The following CCDC141 variants were observed in gnomAD, a reference collection of about 807,000 sequenced individuals.
The protein encoded by CCDC141 is coiled-coil domain containing 141.
Under a neutral mutation model 181.0 loss-of-function variants are expected in CCDC141, and 168 were observed. The ratio of observed to expected loss-of-function variants is 0.93; its 90% CI spans 0.82 to 1.05. The LOEUF (loss-of-function observed/expected upper bound fraction) is 1.05, where lower values mean the gene tolerates loss of function less well. Ranked by LOEUF, CCDC141 falls within the 50% of genes least tolerant of loss-of-function variation. The probability of loss-of-function intolerance (pLI) is 0.00; values close to 1 mark genes in which losing one functional copy is unlikely to be tolerated. For missense variants in CCDC141, 1,902 were observed against 1,788.5 expected (o/e 1.06, Z -1.14); for synonymous variants, 666 against 642.3 (o/e 1.04, Z -0.56).
At position 178,886,752 on chromosome 2, in the gene CCDC141, C is replaced by T. The variant is rs1259970276; in HGVS notation, c.1527G>A (p.Lys509=). Residue 509 remains lysine, a splice_region_variant and synonymous_variant, in exon 10 of 24, where the codon AAG becomes AAA. Coordinates refer to ENST00000443758, the MANE Select transcript of CCDC141 (RefSeq NM_173648.4). ...TAATAATCATTCTCATTTTATTTAC[C>T]TTAGCTTGGATATCTAGTTCCAGAT... The part of the protein sequence containing the change: ...NKYLELDIQA[K]ETSHELEAAA... The T allele has an allele frequency of 2.1e-6, 3 of 1,428,556 alleles. No homozygotes were observed. The highest frequency in any genetic ancestry group is 3.0e-5 in the African/African-American group (2 of 67,574). The allele number at this position is 1,428,556 out of a possible 1,614,324, so 88.5% of individuals were successfully genotyped here.
At chr2:178,939,789 T>A (rs1689435514) in intron 6 of CCDC141, among the ~76,000 whole-genome samples, 1 of 152,064 alleles carries the variant, frequency 6.6e-6, no homozygotes, top group South Asian at 2.1e-4. Context: ...CAAATGGGAA[T>A]GGTTGAATCC....
chr2:179,011,205 ACCAACTATCTG>A (rs2042261273), intron 2 of CCDC141, among the ~76,000 whole-genome samples: 1 of 152,162 alleles, frequency 6.6e-6, no homozygotes, highest in Non-Finnish European at 1.5e-5. Context: ...GAACTCATCA[ACCAACTATCTG>A]CTGCCTTCAG....
rs139377826 is a variant in CCDC141 at position 178,850,060 on chromosome 2, C to T, written c.3346G>A (p.Glu1116Lys). Residue 1116 changes from glutamate (E) to lysine (K), a missense_variant, in exon 21 of 24, where the codon GAA (glutamate) becomes AAA (lysine). Coordinates refer to ENST00000443758, the MANE Select transcript of CCDC141 (RefSeq NM_173648.4). ...GAAGAAGAAATTACCTTCAGTTTTTCTTCGAGCTCTGTGAGGGACTCACAT... is the reference window on the plus strand; with the variant it reads ...GAAGAAGAAATTACCTTCAGTTTTTTTTCGAGCTCTGTGAGGGACTCACAT... ...ELCESLTELE[E>K]KLKQGDVLKM... 3 of 1,572,146 alleles carry T rather than the reference C, an allele frequency of 1.9e-6. No individual in the cohort carries two copies. In the African/African-American group the frequency reaches 4.1e-5, roughly 21 times the overall value.
At chr2:179,038,989 A>AC (rs1437948933) in intron 2 of CCDC141, among the ~76,000 whole-genome samples, 1 of 152,126 alleles carries the variant, frequency 6.6e-6, no homozygotes, top group African/African-American at 2.4e-5. Context: ...AACACTCTGC[A>AC]CCTCACCTGA....
intron 20 of CCDC141, 99 bp from the exon 21 acceptor site, chr2:178,850,260 A>G: frequency 1.5e-6 from 1 of 647,054 alleles, no homozygotes; most frequent in Non-Finnish European, 2.8e-6. Context: ...GTAAGGGCTG[A>G]TAAATTGTAA....
intron 8 of CCDC141, among the ~76,000 whole-genome samples, chr2:178,898,688 G>A (rs1019736482): frequency 1.3e-5 from 2 of 152,124 alleles, no homozygotes; most frequent in African/African-American, 4.8e-5. Context: ...TTCCATGATA[G>A]TAAAACAGTG....
At chr2:179,006,647 C>T (rs1057378329) in intron 2 of CCDC141, among the ~76,000 whole-genome samples, 4 of 152,130 alleles carry the variant, frequency 2.6e-5, no homozygotes. Flanking sequence ...TAACACATTT[C>T]GTACAAGGGT....
intron 2 of CCDC141, among the ~76,000 whole-genome samples, chr2:179,036,458 C>G (rs551556756): frequency 1.7e-4 from 26 of 152,286 alleles, no homozygotes; most frequent in Admixed American, 7.2e-4. Context: ...AGGCACTTTT[C>G]AAATGTAAAG....
At chr2:178,867,926 A>T in intron 16 of CCDC141, 100 bp downstream of exon 16, 1 of 939,762 alleles carries the variant, frequency 1.1e-6, no homozygotes, top group Non-Finnish European at 1.5e-6. Context: ...GTTTATTTTT[A>T]AATTTAACAT....
intron 2 of CCDC141, among the ~76,000 whole-genome samples, chr2:179,038,311 T>C (rs2154387646): frequency 6.6e-6 from 1 of 152,238 alleles, no homozygotes; most frequent in East Asian, 1.9e-4. Flanking sequence ...GTACCTAGAA[T>C]AGACAAATTC....
intron 6 of CCDC141, among the ~76,000 whole-genome samples, chr2:178,942,565 A>G (rs1689566219): frequency 6.6e-6 from 1 of 152,202 alleles, no homozygotes; most frequent in African/African-American, 2.4e-5. Flanking sequence ...GTATAATTCA[A>G]TGATGTTCAA....
In CCDC141 at chr2:178,830,716, G is replaced by A. The variant is rs958183943; in HGVS notation, c.*3457C>T. ...GGCGTGGCTGGGCAGTGCAGGTGCT[G>A]ACAGTGCACATGGCAGGACCATCTA... is the stretch of plus-strand genomic sequence containing the variant. On this transcript the variant is annotated 3_prime_UTR_variant, in exon 24 of 24. Coordinates refer to ENST00000443758, the MANE Select transcript of CCDC141 (RefSeq NM_173648.4). The A allele has an allele frequency of 6.6e-6, 1 of 152,316 alleles. No individual in the cohort carries two copies. The highest frequency in any genetic ancestry group is 1.5e-5 in the Non-Finnish European group (1 of 68,144). 9.4% of individuals were successfully genotyped at this position (152,316 alleles called of 1,614,324 possible).
At chr2:178,969,798 T>G (rs554631960) in intron 4 of CCDC141, among the ~76,000 whole-genome samples, 1 of 152,222 alleles carries the variant, frequency 6.6e-6, no homozygotes, top group African/African-American at 2.4e-5. Flanking sequence ...GAGAAAGAAA[T>G]AAACGGTATT....
chr2:178,965,455 T>C (rs1405519421), intron 4 of CCDC141, among the ~76,000 whole-genome samples: 1 of 152,148 alleles, frequency 6.6e-6, no homozygotes, highest in Non-Finnish European at 1.5e-5. Flanking sequence ...CGTTGGACAG[T>C]GGGTGAAGCC....
intron 2 of CCDC141, chr2:179,001,620 G>A (rs1559039881): frequency 6.6e-6 from 1 of 152,336 alleles, no homozygotes; most frequent in Admixed American, 6.5e-5. Flanking sequence ...CTGGAAATCA[G>A]AGAACCTTGG....
intron 17 of CCDC141, among the ~76,000 whole-genome samples, chr2:178,862,191 T>C (rs1443075771): frequency 6.6e-6 from 1 of 152,200 alleles, no homozygotes; most frequent in Non-Finnish European, 1.5e-5. Context: ...ATGGAACATA[T>C]ATACTAAGTC....
intron 8 of CCDC141, among the ~76,000 whole-genome samples, chr2:178,891,132 C>A (rs758308507): frequency 6.6e-6 from 1 of 152,166 alleles, no homozygotes. Context: ...ATTAGTTATA[C>A]ATGTTACCTT....
intron 5 of CCDC141, among the ~76,000 whole-genome samples, chr2:178,945,949 T>C (rs1689714814): frequency 6.6e-6 from 1 of 152,120 alleles, no homozygotes; most frequent in Middle Eastern, 3.4e-3. Flanking sequence ...GACTATGCGA[T>C]CAAAAGGTCT....
chr2:178,938,859 T>C (rs1465174912), intron 6 of CCDC141, among the ~76,000 whole-genome samples: 1 of 152,166 alleles, frequency 6.6e-6, no homozygotes, highest in Non-Finnish European at 1.5e-5. Context: ...TTTTTCTCCA[T>C]GTAGATGCAA....
Sources: gnomAD v4.1 joint callset for allele counts (sites outside exome capture counted in the v4.1 genomes callset) on GRCh38, gnomAD v4.1.1 for gene constraint, MANE v1.5 for transcripts, NCBI Gene and HGNC (gene_info 2026-07-23, HGNC 2026-07-21) for gene names.